The following HIPK2 variants were observed in gnomAD, a reference collection of about 807,000 sequenced individuals.
HIPK2 encodes the protein homeodomain-interacting protein kinase 2.
Under a neutral mutation model 113.7 loss-of-function variants are expected in HIPK2, and 27 were observed. The observed-to-expected ratio is 0.24, with a 90% CI of 0.17 to 0.33. The LOEUF is 0.33. Among genes scored for constraint, HIPK2 ranks in the 10% least tolerant of loss-of-function variants. HIPK2 has a pLI of 1.00. For missense variants in HIPK2, 1,257 were observed against 1,588.0 expected (o/e 0.79, Z 3.54); for synonymous variants, 631 against 642.2 (o/e 0.98, Z 0.26).
At chr7:139,696,779 C>T in intron 2 of HIPK2, among the ~76,000 whole-genome samples, 1 of 152,156 alleles carries the variant, frequency 6.6e-6, no homozygotes, top group East Asian at 1.9e-4. Context: ...ACACTCACAT[C>T]TTCCTGGCGT....
At chr7:139,723,971 C>T (rs1795492360) in intron 1 of HIPK2, among the ~76,000 whole-genome samples, 1 of 150,876 alleles carries the variant, frequency 6.6e-6, no homozygotes, top group South Asian at 2.1e-4. Context: ...CAAGCTCTGG[C>T]TGAATAATGA....
intron 2 of HIPK2, among the ~76,000 whole-genome samples, chr7:139,646,479 G>A (rs1232445699): frequency 2.1e-5 from 3 of 145,704 alleles, no homozygotes; most frequent in Non-Finnish European, 3.0e-5. Flanking sequence ...CAGCCTGGGT[G>A]ACAGAGTAAG....
chr7:139,695,940 A>G (rs1011968193), intron 2 of HIPK2, among the ~76,000 whole-genome samples: 115 of 152,106 alleles, frequency 7.6e-4, no homozygotes, highest in African/African-American at 2.6e-3. Context: ...ATAGGTGTCC[A>G]ATAAATGTTT....
intron 1 of HIPK2, among the ~76,000 whole-genome samples, chr7:139,744,276 G>A (rs937457956): frequency 4.6e-5 from 7 of 152,220 alleles, no homozygotes; most frequent in Admixed American, 4.6e-4. Flanking sequence ...CAACATGGAT[G>A]AACCTCAAAA....
chr7:139,717,721 T>C (rs1004265284), intron 1 of HIPK2, among the ~76,000 whole-genome samples: 71 of 147,216 alleles, frequency 4.8e-4, no homozygotes, highest in African/African-American at 1.7e-3. Flanking sequence ...AAAGTACTAT[T>C]TCTTTTTGTT....
chr7:139,594,685 T>A (rs143417084), intron 12 of HIPK2, among the ~76,000 whole-genome samples: 4 of 152,288 alleles, frequency 2.6e-5, no homozygotes, highest in East Asian at 3.9e-4. Context: ...AGCTGAAGCC[T>A]TTTGGATGAC....
intron 2 of HIPK2, among the ~76,000 whole-genome samples, chr7:139,655,404 C>T (rs751276339): frequency 3.3e-5 from 5 of 152,282 alleles, no homozygotes; most frequent in Middle Eastern, 3.4e-3. Flanking sequence ...AAGAGGCTCC[C>T]GCCGGGCAAG....
At chr7:139,746,681 T>C (rs1796196301) in intron 1 of HIPK2, among the ~76,000 whole-genome samples, 1 of 152,104 alleles carries the variant, frequency 6.6e-6, no homozygotes, top group Non-Finnish European at 1.5e-5. Flanking sequence ...TCTTTTATCT[T>C]CCTAACCTCT....
At chr7:139,597,270 G>A (rs1799256870) in intron 11 of HIPK2, among the ~76,000 whole-genome samples, 1 of 152,176 alleles carries the variant, frequency 6.6e-6, no homozygotes, top group African/African-American at 2.4e-5. Context: ...GGGCTCTTGT[G>A]CCCCAGGCTC....
intron 1 of HIPK2, among the ~76,000 whole-genome samples, chr7:139,769,934 T>C (rs1423555551): frequency 6.6e-6 from 1 of 152,194 alleles, no homozygotes; most frequent in Non-Finnish European, 1.5e-5. Flanking sequence ...TGAATAATAG[T>C]AATGACACTG....
intron 2 of HIPK2, among the ~76,000 whole-genome samples, chr7:139,669,347 G>A (rs1323116921): frequency 6.6e-6 from 1 of 152,146 alleles, no homozygotes; most frequent in Non-Finnish European, 1.5e-5. Flanking sequence ...ACCCAAATAG[G>A]GAGATAATTG....
chr7:139,626,523 G>A lies in HIPK2; in HGVS notation c.1619+78C>T, dbSNP rs900425550. On this transcript the variant is annotated intron_variant, in intron 6 of 14. Coordinates refer to ENST00000406875, the MANE Select transcript of HIPK2 (RefSeq NM_022740.5). Reference sequence around the variant, plus strand: ...TAGTTGTTACCAAGACCTTATGGCCGCAAAACCTAAAATATTTAGTGTCTG... The same window carrying A: ...TAGTTGTTACCAAGACCTTATGGCCACAAAACCTAAAATATTTAGTGTCTG... The A allele has an allele frequency of 1.3e-5, 19 of 1,495,362 alleles. No individual in the cohort carries two copies. In the African/African-American group the frequency reaches 2.1e-4, roughly 16 times the overall value. The allele number at this position is 1,495,362 out of a possible 1,614,324, so 92.6% of individuals were successfully genotyped here. A position where few individuals can be genotyped will look rare whatever the true frequency, so the allele number is the denominator to read the frequency against.
intron 6 of HIPK2, among the ~76,000 whole-genome samples, chr7:139,623,533 AAAAAAG>A: frequency 6.6e-6 from 1 of 151,720 alleles, no homozygotes; most frequent in Non-Finnish European, 1.5e-5. Flanking sequence ...AAAAAAAAAA[AAAAAAG>A]AAAAAAAGGA....
chr7:139,576,810 C>A (rs1798508071), intron 13 of HIPK2, among the ~76,000 whole-genome samples: 1 of 152,242 alleles, frequency 6.6e-6, no homozygotes, highest in Non-Finnish European at 1.5e-5. Context: ...GAGTGTCCAG[C>A]CCAGCAGGGG....
In HIPK2 at chr7:139,568,274, G is replaced by A. The variant is rs1264657144; in HGVS notation, c.*4653C>T. ...CCTCAGCCACCAGGAAGACTAGAAAGGCTAACAGTCCAGGAGATGAATGCC... is the reference window on the plus strand; with the variant it reads ...CCTCAGCCACCAGGAAGACTAGAAAAGCTAACAGTCCAGGAGATGAATGCC... On this transcript the variant is annotated 3_prime_UTR_variant, in exon 15 of 15. Transcript: ENST00000406875. 1 of 152,400 alleles carries A rather than the reference G, an allele frequency of 6.6e-6. No individual in the cohort carries two copies. Among genetic ancestry groups the A allele is most frequent in the East Asian group, 1.9e-4 (1 of 5,194 alleles). The allele number at this position is 152,400 out of a possible 1,614,324, so 9.4% of individuals were successfully genotyped here.
intron 1 of HIPK2, among the ~76,000 whole-genome samples, chr7:139,767,911 G>T (rs761426856): frequency 1.3e-5 from 2 of 152,350 alleles, no homozygotes; most frequent in East Asian, 3.9e-4. Flanking sequence ...CTCCCAACAT[G>T]GGCTGTGCCC....
chr7:139,586,497 G>C (rs1465813041), intron 12 of HIPK2, among the ~76,000 whole-genome samples: 1 of 151,980 alleles, frequency 6.6e-6, no homozygotes, highest in Admixed American at 6.6e-5. Context: ...TGCTGGGAGG[G>C]GTGGCTCATG....
chr7:139,722,299 A>C (rs1236520785), intron 1 of HIPK2, among the ~76,000 whole-genome samples: 4 of 152,244 alleles, frequency 2.6e-5, no homozygotes, highest in South Asian at 2.1e-4. Context: ...ACTATTTGTA[A>C]GACATTATTC....
At chr7:139,726,046 A>G (rs985191093) in intron 1 of HIPK2, among the ~76,000 whole-genome samples, 15 of 152,260 alleles carry the variant, frequency 9.9e-5, no homozygotes, top group African/African-American at 3.6e-4. Flanking sequence ...CTGATAAAAT[A>G]GTGGATGTCA....
Sources: gnomAD v4.1 joint callset for allele counts (sites outside exome capture counted in the v4.1 genomes callset) on GRCh38, gnomAD v4.1.1 for gene constraint, MANE v1.5 for transcripts, NCBI Gene and HGNC (gene_info 2026-07-23, HGNC 2026-07-21) for gene names.